FAM234A: variants seen among roughly 807,000 people sequenced by gnomAD.
FAM234A encodes protein FAM234A.
In FAM234A, 42 loss-of-function variants were observed where a neutral mutation model predicts 49.1. The ratio of observed to expected loss-of-function variants is 0.86; its 90% CI spans 0.67 to 1.11. FAM234A has a LOEUF of 1.11. Ranked by LOEUF, FAM234A falls within the 50% of genes least tolerant of loss-of-function variation. The pLI is 0.00. For synonymous variants in FAM234A, 369 were observed against 316.2 expected (o/e 1.17, Z -1.77); for missense variants, 815 against 745.2 (o/e 1.09, Z -1.09).
downstream of FAM234A, chr16:269,024 A>C: frequency 7.5e-7 from 1 of 1,333,364 alleles, no homozygotes; most frequent in Non-Finnish European, 1.1e-6. Flanking sequence ...CTCTGCCCTG[A>C]CCCAAGCTGA....
At chr16:269,752 G>A (rs116690161), downstream of FAM234A, 1,759 of 589,640 alleles carry the variant, frequency 3.0e-3, 18 homozygotes, top group African/African-American at 0.022. Context: ...CAAGGCAGAC[G>A]CAGGGAGACC....
intron 1 of FAM234A, among the ~76,000 whole-genome samples, chr16:236,976 ACTC>A: frequency 1.3e-5 from 2 of 151,874 alleles, no homozygotes; most frequent in Admixed American, 1.3e-4. Flanking sequence ...CTGGTCCTGA[ACTC>A]CTGTGCCCAA....
chr16:245,100 A>G (rs557214941), intron 1 of FAM234A, among the ~76,000 whole-genome samples: 2 of 151,788 alleles, frequency 1.3e-5, no homozygotes, highest in South Asian at 2.1e-4. Context: ...CGTGGCCCAC[A>G]CTTTGGGAGG....
rs1006590353 is a variant in FAM234A, at chr16:265,993, C to T, written c.*971C>T. 1.9e-5 allele frequency: 19 copies of T among 985,926 alleles called. No homozygotes were observed. The East Asian group carries it at 4.5e-4, about 24-fold the overall frequency. The allele number at this position is 985,926 out of a possible 1,614,324, so 61.1% of individuals were successfully genotyped here. A position where few individuals can be genotyped will look rare whatever the true frequency, so the allele number is the denominator to read the frequency against. Reference sequence around the variant, plus strand: ...GGCAGCCATGGTGCTCTGTACTGCTCGGGCCGCCCAGGTCACAGAGCCTGA... The same window carrying T: ...GGCAGCCATGGTGCTCTGTACTGCTTGGGCCGCCCAGGTCACAGAGCCTGA... On this transcript the variant is annotated 3_prime_UTR_variant, in exon 13 of 13. Coordinates refer to ENST00000399932, the MANE Select transcript of FAM234A (RefSeq NM_032039.4).
chr16:253,360 A>C (rs190108085), intron 2 of FAM234A, among the ~76,000 whole-genome samples: 2 of 151,862 alleles, frequency 1.3e-5, no homozygotes, highest in African/African-American at 4.8e-5. Context: ...AATATATTTT[A>C]TTTTATTTTT....
At chr16:252,192 T>TG (rs2051045421) in intron 2 of FAM234A, among the ~76,000 whole-genome samples, 1 of 146,830 alleles carries the variant, frequency 6.8e-6, no homozygotes, top group South Asian at 2.2e-4. Flanking sequence ...TTTGTTTTTT[T>TG]TTTTTTTTTG....
rs367621019 is a variant in FAM234A at position 240,454 on chromosome 16, G to A, written c.-140+5597G>A. ...GGAGTGTGGTTAACCAGGGTCAGTG[G>A]GGGTCACCCCAAACTTATTTAAGGC... On this transcript the variant is annotated intron_variant, in intron 1 of 12. Coordinates refer to ENST00000399932, the MANE Select transcript of FAM234A (RefSeq NM_032039.4). Among the ~76,000 whole-genome samples the A allele has an allele frequency of 9.2e-5, 14 of 151,966 alleles. No individual in the cohort carries two copies. The East Asian group carries it at 1.5e-3, about 17-fold the overall frequency.
intron 3 of FAM234A, among the ~76,000 whole-genome samples, chr16:255,368 C>G (rs1194214518): frequency 6.6e-6 from 1 of 152,054 alleles, no homozygotes; most frequent in Non-Finnish European, 1.5e-5. Context: ...TCCATCATCC[C>G]TAAAAGATTG....
chr16:241,535 G>A (rs141956870), intron 1 of FAM234A, among the ~76,000 whole-genome samples: 399 of 151,814 alleles, frequency 2.6e-3, no homozygotes, highest in African/African-American at 9.1e-3. Context: ...GCTGCAGTGA[G>A]CCATGATTGC....
At chr16:267,500 CCA>C (rs1227675271), downstream of FAM234A, among the ~76,000 whole-genome samples, 1 of 152,154 alleles carries the variant, frequency 6.6e-6, no homozygotes, top group Non-Finnish European at 1.5e-5. Flanking sequence ...GCAATGTGCA[CCA>C]CACATGCATC....
At chr16:246,169 C>G (rs1414200760) in intron 1 of FAM234A, among the ~76,000 whole-genome samples, 1 of 151,338 alleles carries the variant, frequency 6.6e-6, no homozygotes, top group East Asian at 2.0e-4. Flanking sequence ...GAGCCAAGAT[C>G]ACGCCATTGT....
chr16:242,224 C>CT lies in FAM234A; in HGVS notation c.-139-7317dup, dbSNP rs370563388. On this transcript the variant is annotated intron_variant, in intron 1 of 12. Transcript: ENST00000399932. Reference sequence around the variant, plus strand: ...GTGGACAGCTGGTTTACCGATAGTCCTTTTTTTTGAGACAGAGTCTTGGTC... The same window carrying CT: ...GTGGACAGCTGGTTTACCGATAGTCCTTTTTTTTTGAGACAGAGTCTTGGTC... Among the ~76,000 whole-genome samples, 1,006 of 151,978 alleles carry CT rather than the reference C, an allele frequency of 6.6e-3. 9 individuals carry two copies. The highest frequency in any genetic ancestry group is 0.024 in the African/African-American group (977 of 41,482).
Position 261,486 on chromosome 16 carries a change from T to C in FAM234A, c.680T>C (p.Leu227Pro), listed in dbSNP as rs376378664. ...GTGGACGGCGATGGGGCCCCAGACC[T>C]GCTGGTTCTCACCCAGGAGCGGGAG... The part of the protein sequence containing the change: ...PDVDGDGAPD[L>P]LVLTQEREEV... Residue 227 changes from leucine (L) to proline (P), a missense_variant, in exon 6 of 13, where the codon CTG becomes CCG. Physicochemically the swap from Leu to Pro is moderately conservative, Grantham distance 98. Transcript: ENST00000399932. 1.9e-6 allele frequency: 3 copies of C among 1,611,432 alleles called. No homozygotes were observed. In the African/African-American group the frequency reaches 4.0e-5, roughly 21 times the overall value.
chr16:260,653 CAT>C (rs1491504306), intron 5 of FAM234A: 33 of 471,778 alleles, frequency 7.0e-5, no homozygotes, highest in Admixed American at 1.9e-4. Flanking sequence ...TGCACGGGGC[CAT>C]GTGTGTGTGT....
downstream of FAM234A, chr16:268,637 C>A: frequency 1.2e-6 from 1 of 817,988 alleles, no homozygotes; most frequent in Non-Finnish European, 1.9e-6. Flanking sequence ...AGGCCGCGGC[C>A]TCGAGGTGGG....
intron 1 of FAM234A, among the ~76,000 whole-genome samples, chr16:237,254 G>C (rs767160715): frequency 4.0e-5 from 6 of 151,850 alleles, no homozygotes; most frequent in Non-Finnish European, 8.8e-5. Flanking sequence ...GACTTCTAAT[G>C]GTTGTCTGCT....
At chr16:244,604 A>C (rs188246032) in intron 1 of FAM234A, among the ~76,000 whole-genome samples, 197 of 151,090 alleles carry the variant, frequency 1.3e-3, no homozygotes, top group African/African-American at 4.4e-3. Flanking sequence ...TTTATTTTGG[A>C]CTACTTATAG....
downstream of FAM234A, chr16:268,283 C>G (rs975887167): frequency 4.3e-6 from 1 of 235,032 alleles, no homozygotes; most frequent in Non-Finnish European, 8.5e-6. Context: ...CACCGTCACA[C>G]CATAAGCTGC....
chr16:268,873 C>A (rs1351151521), downstream of FAM234A: 2 of 1,550,490 alleles, frequency 1.3e-6, no homozygotes, highest in East Asian at 4.9e-5. Context: ...GGGAAGCCGC[C>A]CGCCTGTGCA....
Sources: gnomAD v4.1 joint callset for allele counts (sites outside exome capture counted in the v4.1 genomes callset) on GRCh38, gnomAD v4.1.1 for gene constraint, MANE v1.5 for transcripts, NCBI Gene and HGNC (gene_info 2026-07-23, HGNC 2026-07-21) for gene names.